Variants in GMDS observed in about 807,000 individuals in gnomAD.
GMDS encodes the protein GDP-mannose 4,6 dehydratase.
GMDS carries 20 observed loss-of-function variants against 49.9 expected under a neutral mutation model. The ratio of observed to expected loss-of-function variants is 0.40; its 90% confidence interval spans 0.28 to 0.58. The LOEUF (loss-of-function observed/expected upper bound fraction) is 0.58, where lower values mean the gene tolerates loss of function less well. Among genes scored for constraint, GMDS ranks in the 20% least tolerant of loss-of-function variants. The pLI is 0.42. For missense variants in GMDS, 362 were observed against 481.4 expected (o/e 0.75, Z 2.32); for synonymous variants, 177 against 178.6 (o/e 0.99, Z 0.07).
chr6:2,217,733 GAACT>G (rs1019670457), intron 1 of GMDS, among the ~76,000 whole-genome samples: 2 of 152,058 alleles, frequency 1.3e-5, no homozygotes, highest in African/African-American at 4.8e-5. Flanking sequence ...GTTAATAACT[GAACT>G]ATCAGGGCAC....
At chr6:1,732,922 G>A (rs1277502476) in intron 8 of GMDS, among the ~76,000 whole-genome samples, 1 of 152,204 alleles carries the variant, frequency 6.6e-6, no homozygotes, top group Non-Finnish European at 1.5e-5. Context: ...AGTAGCAGAT[G>A]TGAGTGACAA....
intron 1 of GMDS, among the ~76,000 whole-genome samples, chr6:2,230,930 T>TCCCCCCCCCCCCCCCCCCCCC (rs797010185): frequency 4.1e-4 from 6 of 14,540 alleles, no homozygotes; most frequent in African/African-American, 7.8e-4. Flanking sequence ...AGTATTCTCT[T>TCCCCCCCCCCCCCCCCCCCCC]CCCCCCTCCC....
At chr6:1,970,982 T>A (rs1320241125) in intron 4 of GMDS, among the ~76,000 whole-genome samples, 1 of 12,784 alleles carries the variant, frequency 7.8e-5, no homozygotes, top group African/African-American at 3.4e-4. Flanking sequence ...TCCATGGGGG[T>A]GGGCAGGGGT....
intron 1 of GMDS, among the ~76,000 whole-genome samples, chr6:2,206,726 T>C (rs951752534): frequency 6.6e-6 from 1 of 152,196 alleles, no homozygotes; most frequent in Non-Finnish European, 1.5e-5. Context: ...TAGGTCAAAA[T>C]GTGGGCCTAA....
chr6:2,209,715 T>A (rs557102465), intron 1 of GMDS, among the ~76,000 whole-genome samples: 1 of 152,120 alleles, frequency 6.6e-6, no homozygotes, highest in Non-Finnish European at 1.5e-5. Flanking sequence ...AGCCAGTAAG[T>A]GGCCCTAAAA....
intron 7 of GMDS, among the ~76,000 whole-genome samples, chr6:1,924,902 T>G (rs1435961381): frequency 6.6e-6 from 1 of 151,902 alleles, no homozygotes; most frequent in Non-Finnish European, 1.5e-5. Flanking sequence ...AAGTTTGAAC[T>G]GGCCGAAATC....
At chr6:1,703,232 G>A (rs1581480459) in intron 9 of GMDS, among the ~76,000 whole-genome samples, 1 of 152,106 alleles carries the variant, frequency 6.6e-6, no homozygotes, top group Non-Finnish European at 1.5e-5. Context: ...TGCTCACTTT[G>A]TTCTCTCTCT....
chr6:2,071,738 T>G (rs1772015375), intron 4 of GMDS, among the ~76,000 whole-genome samples: 1 of 151,074 alleles, frequency 6.6e-6, no homozygotes, highest in South Asian at 2.1e-4. Flanking sequence ...AAACCTCCAT[T>G]CACGGACCTG....
At chr6:1,674,870 T>C (rs1465952260) in intron 9 of GMDS, among the ~76,000 whole-genome samples, 1 of 131,344 alleles carries the variant, frequency 7.6e-6, no homozygotes, top group South Asian at 2.6e-4. Flanking sequence ...ATCTTACACA[T>C]AATTTTTAGA....
chr6:1,722,261 G>T (rs375263688), intron 9 of GMDS, among the ~76,000 whole-genome samples: 3 of 6,330 alleles, frequency 4.7e-4, no homozygotes, highest in Non-Finnish European at 2.3e-4. Flanking sequence ...AGTAGTAGTA[G>T]TATTTTTAGT....
At chr6:1,779,451 T>G (rs1230835483) in intron 7 of GMDS, among the ~76,000 whole-genome samples, 1 of 152,092 alleles carries the variant, frequency 6.6e-6, no homozygotes, top group Non-Finnish European at 1.5e-5. Context: ...CAGATAAAGG[T>G]AACTGTGTGT....
At chr6:2,058,773 C>CAGA (rs920671592) in intron 4 of GMDS, among the ~76,000 whole-genome samples, 5 of 152,286 alleles carry the variant, frequency 3.3e-5, no homozygotes, top group Non-Finnish European at 5.9e-5. Flanking sequence ...GAAGGAGATC[C>CAGA]AGACCTTCCG....
At chr6:1,700,169 T>C (rs1359025988) in intron 9 of GMDS, among the ~76,000 whole-genome samples, 4 of 152,218 alleles carry the variant, frequency 2.6e-5, no homozygotes, top group Non-Finnish European at 5.9e-5. Context: ...AAAGGAACAT[T>C]TCTTTAAGGA....
chr6:1,839,574 G>T (rs1757067668), intron 7 of GMDS, among the ~76,000 whole-genome samples: 2 of 152,156 alleles, frequency 1.3e-5, no homozygotes, highest in Non-Finnish European at 2.9e-5. Flanking sequence ...CTTTTAAACT[G>T]GTTGTGTACA....
intron 7 of GMDS, among the ~76,000 whole-genome samples, chr6:1,752,711 AAG>A (rs1767781514): frequency 2.0e-5 from 3 of 152,230 alleles, no homozygotes; most frequent in African/African-American, 7.2e-5. Context: ...TACAAGCCAG[AAG>A]AGAGTGGGGC....
intron 1 of GMDS, among the ~76,000 whole-genome samples, chr6:2,141,873 T>TCTCG (rs1776311431): frequency 6.6e-6 from 1 of 150,738 alleles, no homozygotes; most frequent in Non-Finnish European, 1.5e-5. Context: ...GTGCTCTCTC[T>TCTCG]CTCTCTCTCT....
At chr6:1,671,021 C>G (rs1309649717) in intron 9 of GMDS, among the ~76,000 whole-genome samples, 1 of 152,162 alleles carries the variant, frequency 6.6e-6, no homozygotes, top group African/African-American at 2.4e-5. Context: ...AGCTCATTTC[C>G]ATGTTGCTCC....
intron 4 of GMDS, among the ~76,000 whole-genome samples, chr6:2,101,251 G>T (rs561143631): frequency 7.3e-5 from 11 of 151,486 alleles, no homozygotes; most frequent in Non-Finnish European, 1.5e-4. Context: ...CCAAGTGATA[G>T]AACTTGGGAA....
chr6:2,193,060 C>T (rs756691317), intron 1 of GMDS, among the ~76,000 whole-genome samples: 5 of 152,238 alleles, frequency 3.3e-5, no homozygotes, highest in Admixed American at 2.0e-4. Flanking sequence ...AATTTGTGAA[C>T]GTTTCAGTTG....
Sources: gnomAD v4.1 joint callset for allele counts (sites outside exome capture counted in the v4.1 genomes callset) on GRCh38, gnomAD v4.1.1 for gene constraint, MANE v1.5 for transcripts, NCBI Gene and HGNC (gene_info 2026-07-23, HGNC 2026-07-21) for gene names.